Variants in TRIM2 observed in about 807,000 individuals in gnomAD.
TRIM2 encodes the protein tripartite motif containing 2.
In TRIM2, 20 loss-of-function variants were observed where a neutral mutation model predicts 75.2. The observed-to-expected ratio is 0.27, with a 90% confidence interval of 0.19 to 0.39. The LOEUF (loss-of-function observed/expected upper bound fraction) is 0.39. TRIM2 is among the 10% of genes least tolerant of loss of function. The pLI is 1.00. For missense variants in TRIM2, 660 were observed against 990.8 expected (o/e 0.67, Z 4.48); for synonymous variants, 373 against 388.3 (o/e 0.96, Z 0.46).
intron 6 of TRIM2, among the ~76,000 whole-genome samples, chr4:153,306,306 A>G (rs922858030): frequency 9.2e-5 from 14 of 152,246 alleles, no homozygotes; most frequent in African/African-American, 3.4e-4. Context: ...GTAAAGGCTT[A>G]CAACAGTGCA....
At chr4:153,166,405 G>A (rs1489774560) in intron 1 of TRIM2, among the ~76,000 whole-genome samples, 1 of 152,056 alleles carries the variant, frequency 6.6e-6, no homozygotes, top group Non-Finnish European at 1.5e-5. Flanking sequence ...CAAGACCTTT[G>A]TAGGGTGATC....
chr4:153,153,443 G>A (rs1728915340), intron 1 of TRIM2, among the ~76,000 whole-genome samples: 1 of 152,142 alleles, frequency 6.6e-6, no homozygotes, highest in Non-Finnish European at 1.5e-5. Context: ...GTGCGCGCTG[G>A]CGAGGAGGCG....
At chr4:153,224,330 G>C (rs1245527364) in intron 1 of TRIM2, among the ~76,000 whole-genome samples, 1 of 152,106 alleles carries the variant, frequency 6.6e-6, no homozygotes, top group African/African-American at 2.4e-5. Flanking sequence ...TTCTCCCTTA[G>C]GGTAAATATG....
Position 153,336,919 on chromosome 4 carries a change from T to G in TRIM2, c.*1953T>G, listed in dbSNP as rs1013642282. 5.8e-5 allele frequency: 57 copies of G among 984,730 alleles called. No individual in the cohort carries two copies. Among genetic ancestry groups the G allele is most frequent in the Non-Finnish European group, 6.6e-5 (55 of 829,258 alleles). 61.0% of individuals were successfully genotyped at this position (984,730 alleles called of 1,614,324 possible). A position where few individuals can be genotyped will look rare whatever the true frequency, so the allele number is the denominator to read the frequency against. ...TTCAATAACTTTTTAGAATGTTAAA[T>G]GAAGACACTGTTTCCTAACATCAGT... On this transcript the variant is annotated 3_prime_UTR_variant, in exon 12 of 12. Coordinates refer to ENST00000338700, the MANE Select transcript of TRIM2 (RefSeq NM_015271.5).
intron 1 of TRIM2, among the ~76,000 whole-genome samples, chr4:153,241,510 A>G (rs1395620665): frequency 6.6e-6 from 1 of 152,222 alleles, no homozygotes; most frequent in Admixed American, 6.5e-5. Flanking sequence ...CAAAGGGGGC[A>G]GAGTGATACA....
At chr4:153,273,331 C>G (rs371484443) in intron 2 of TRIM2, among the ~76,000 whole-genome samples, 5 of 139,112 alleles carry the variant, frequency 3.6e-5, no homozygotes, top group Non-Finnish European at 7.7e-5. Flanking sequence ...GCTGGAGTGC[C>G]GTGGCGCGAT....
At chr4:153,317,237 T>C (rs1362771696) in intron 8 of TRIM2, among the ~76,000 whole-genome samples, 2 of 151,974 alleles carry the variant, frequency 1.3e-5, no homozygotes, top group East Asian at 1.9e-4. Context: ...TTTCTGTTGA[T>C]AACATGAGTT....
chr4:153,160,718 C>T (rs1050577315), intron 1 of TRIM2, among the ~76,000 whole-genome samples: 1 of 152,212 alleles, frequency 6.6e-6, no homozygotes, highest in African/African-American at 2.4e-5. Context: ...CTTCAGCCTC[C>T]CAAGTAGCTG....
At chr4:153,212,701 A>G (rs1737396118) in intron 1 of TRIM2, among the ~76,000 whole-genome samples, 1 of 152,192 alleles carries the variant, frequency 6.6e-6, no homozygotes, top group Non-Finnish European at 1.5e-5. Flanking sequence ...GTGGATGCAG[A>G]CTGGAGATTT....
At chr4:153,230,413 C>T (rs1743306364) in intron 1 of TRIM2, among the ~76,000 whole-genome samples, 1 of 152,178 alleles carries the variant, frequency 6.6e-6, no homozygotes, top group South Asian at 2.1e-4. Flanking sequence ...AACTCTTGGG[C>T]TCAAGCGATC....
At chr4:153,187,617 A>C (rs1047100964) in intron 1 of TRIM2, among the ~76,000 whole-genome samples, 1 of 152,228 alleles carries the variant, frequency 6.6e-6, no homozygotes, top group African/African-American at 2.4e-5. Flanking sequence ...GCAGTTTTTC[A>C]GTAGGCCAAC....
intron 1 of TRIM2, among the ~76,000 whole-genome samples, chr4:153,220,366 C>T (rs537442595): frequency 2.6e-5 from 4 of 152,004 alleles, no homozygotes; most frequent in Admixed American, 6.6e-5. Context: ...TGGCATTTAA[C>T]AGGACACAGT....
In TRIM2 at chr4:153,295,382, G is replaced by A; in HGVS notation, c.856G>A (p.Ala286Thr). 6.2e-7 allele frequency: 1 copy of A among 1,613,966 alleles called. No homozygotes were observed. The highest frequency in any genetic ancestry group is 8.5e-7 in the Non-Finnish European group (1 of 1,179,898). Residue 286 changes from alanine (A) to threonine (T), a missense_variant, in exon 6 of 12, where the codon GCG becomes ACG. Around this residue, in one of 2 missense-constraint regions of TRIM2, gnomAD observed 620 missense variants for 891.0 expected, o/e 0.70. Coordinates refer to ENST00000338700, the MANE Select transcript of TRIM2 (RefSeq NM_015271.5). This position sits in a 1 kb window ranked among gnomAD's most constrained non-coding sequence, Gnocchi z 7.2. ...ESIKSCSNFTAQALNHGTETE... is the reference protein window; with the variant it reads ...ESIKSCSNFTTQALNHGTETE... ...CATTAAGAGCTGCAGCAACTTCACA[G>A]CGCAGGCCCTCAACCATGGCACGGA...
At chr4:153,250,082 A>G (rs1179138861) in intron 1 of TRIM2, among the ~76,000 whole-genome samples, 1 of 151,976 alleles carries the variant, frequency 6.6e-6, no homozygotes, top group Non-Finnish European at 1.5e-5. Flanking sequence ...TAATCAGTGC[A>G]TGGCAGAGCC....
chr4:153,284,405 T>A (rs753966552), intron 3 of TRIM2, among the ~76,000 whole-genome samples: 17 of 151,910 alleles, frequency 1.1e-4, no homozygotes, highest in Non-Finnish European at 2.4e-4. Context: ...GTTTCCGCTG[T>A]GTTGGCCAGG....
At chr4:153,280,211 GTA>G (rs987243709) in intron 3 of TRIM2, among the ~76,000 whole-genome samples, 6 of 151,756 alleles carry the variant, frequency 4.0e-5, no homozygotes, top group Non-Finnish European at 5.9e-5. Flanking sequence ...TAAATACATA[GTA>G]TATATATTTC....
Position 153,295,242 on chromosome 4 carries a change from G to T in TRIM2, c.787-71G>T. The T allele has an allele frequency of 6.9e-7, 1 of 1,455,808 alleles. No individual in the cohort carries two copies. 90.2% of individuals were successfully genotyped at this position (1,455,808 alleles called of 1,614,324 possible). On this transcript the variant is annotated intron_variant, in intron 5 of 11. Coordinates refer to ENST00000338700, the MANE Select transcript of TRIM2 (RefSeq NM_015271.5). The surrounding 1 kb of genome is among the most constrained non-coding windows in gnomAD (Gnocchi z 7.2). ...CAGGTGTAGAGTCTCCTTCTCGCCG[G>T]TGGAGGGCACTGCCCCGGGCTAGGC...
intron 1 of TRIM2, among the ~76,000 whole-genome samples, chr4:153,226,732 G>C (rs1301168991): frequency 6.6e-6 from 1 of 152,204 alleles, no homozygotes; most frequent in East Asian, 1.9e-4. Flanking sequence ...TGATGACTTT[G>C]AGGACCAGGA....
intron 1 of TRIM2, among the ~76,000 whole-genome samples, chr4:153,258,615 G>A (rs1302352417): frequency 2.0e-5 from 3 of 152,116 alleles, no homozygotes; most frequent in Non-Finnish European, 4.4e-5. Flanking sequence ...AGATAAAATG[G>A]TATTATTGTC....
Sources: allele counts gnomAD v4.1 joint callset (sites outside exome capture counted in the v4.1 genomes callset), GRCh38; gene constraint gnomAD v4.1.1; regional missense constraint gnomAD v4.1.1; non-coding constraint Gnocchi (gnomAD v3.1); transcripts MANE v1.5; gene names NCBI Gene and HGNC (gene_info 2026-07-23, HGNC 2026-07-21).